Variants in PEX10 observed in about 807,000 individuals in gnomAD.
PEX10 encodes the protein peroxisomal biogenesis factor 10, also known as peroxisome biogenesis factor 10.
Under a neutral mutation model 38.0 loss-of-function variants are expected in PEX10, and 32 were observed. That is an observed-to-expected ratio of 0.84 (90% CI 0.63 to 1.13). The LOEUF (loss-of-function observed/expected upper bound fraction) is 1.13, where lower values mean the gene tolerates loss of function less well. Among genes scored for constraint, PEX10 ranks in the 50% most tolerant of loss-of-function variants. The pLI, the probability that PEX10 is intolerant of heterozygous loss-of-function variation, is 0.00. For missense variants in PEX10, 483 were observed against 457.7 expected (o/e 1.06, Z -0.51); for synonymous variants, 206 against 207.3 (o/e 0.99, Z 0.05).
At position 2,405,630 on chromosome 1, in the gene PEX10, G is replaced by A; in HGVS notation, c.*136C>T. The A allele has an allele frequency of 1.2e-6, 1 of 818,556 alleles. No homozygotes were observed. Among genetic ancestry groups the A allele is most frequent in the Non-Finnish European group, 2.0e-6 (1 of 490,488 alleles). The allele number at this position is 818,556 out of a possible 1,614,324, so 50.7% of individuals were successfully genotyped here. ...CAGCTTTCTGTTCTCTCCCAGGGTG[G>A]CTAGGTTAGTATCTTACATGACAAA... On this transcript the variant is annotated 3_prime_UTR_variant, in exon 6 of 6. Coordinates refer to ENST00000447513, the MANE Select transcript of PEX10 (RefSeq NM_002617.4).
chr1:2,406,772 G>A lies in PEX10; in HGVS notation c.724C>T (p.Arg242Trp), dbSNP rs745818681. The A allele has an allele frequency of 8.1e-6, 13 of 1,609,900 alleles. No individual in the cohort carries two copies. The Admixed American group carries it at 1.5e-4, about 19-fold the overall frequency. Residue 242 changes from arginine to tryptophan, a missense_variant, in exon 4 of 6, where the codon CGG becomes TGG. Arg to Trp is a moderately radical substitution (Grantham distance 101). Coordinates refer to ENST00000447513, the MANE Select transcript of PEX10 (RefSeq NM_002617.4). Reference protein sequence around the residue: ...MGLQLYGFRQRQRARKEWRLH... With the variant: ...MGLQLYGFRQWQRARKEWRLH... Reference sequence around the variant, plus strand: ...CTCCACTCCTTCCTGGCTCGCTGCCGCTGCCTGAAACCGTACAGCTGCAGC... The same window carrying A: ...CTCCACTCCTTCCTGGCTCGCTGCCACTGCCTGAAACCGTACAGCTGCAGC...
At position 2,410,974 on chromosome 1, in the gene PEX10, C is replaced by T. The variant is rs962241291; in HGVS notation, c.113-523G>A. On this transcript the variant is annotated intron_variant, in intron 1 of 5. Coordinates refer to ENST00000447513, the MANE Select transcript of PEX10 (RefSeq NM_002617.4). This position sits in a 1 kb window ranked among gnomAD's most constrained non-coding sequence, Gnocchi z 5.1. ...ACTGTAAAACAAGTAAGTACACACA[C>T]AAAAAATTCTCATCATGTCACTCTC... 5 of 421,514 alleles carry T rather than the reference C, an allele frequency of 1.2e-5. No homozygotes were observed. Among genetic ancestry groups the T allele is most frequent in the African/African-American group, 2.0e-5 (1 of 48,882 alleles). The allele number at this position is 421,514 out of a possible 1,614,324, so 26.1% of individuals were successfully genotyped here.
Position 2,412,494 on chromosome 1 carries a change from CG to C in PEX10, c.8del (p.Pro3ArgfsTer9), listed in dbSNP as rs1257198952. On this transcript the variant is annotated frameshift_variant, in exon 1 of 6. Coordinates refer to ENST00000447513, the MANE Select transcript of PEX10 (RefSeq NM_002617.4). LOFTEE classifies it high-confidence loss of function. The part of the protein sequence containing the change: MA[P>X]AAASPPEVIR... ...TCACCTCCGGGGGGCTGGCGGCGGC[CG>C]GGGCCATGGCCGCGGGTTCGGGTGG... 7 of 1,370,122 alleles carry C rather than the reference CG, an allele frequency of 5.1e-6. No individual in the cohort carries two copies. Among genetic ancestry groups the C allele is most frequent in the Middle Eastern group, 2.7e-4 (1 of 3,748 alleles). 84.9% of individuals were successfully genotyped at this position (1,370,122 alleles called of 1,614,324 possible).
chr1:2,408,745 G>C lies in PEX10; in HGVS notation c.307C>G (p.Pro103Ala), dbSNP rs1299562078. ...GVLVTLHAVL[P>A]YLLDKALLPL... The stretch of plus-strand genomic sequence containing the variant: ...AGCAGGGCCTTGTCCAGCAGGTAGG[G>C]CAGGACGGCATGCAGTGTCACCAGC... The change falls in exon 3 of 6, where the codon CCC becomes GCC. Residue 103 changes from proline (P) to alanine (A), a missense_variant. Coordinates refer to ENST00000447513, the MANE Select transcript of PEX10 (RefSeq NM_002617.4). 1.2e-6 allele frequency: 2 copies of C among 1,613,774 alleles called. No homozygotes were observed. The highest frequency in any genetic ancestry group is 1.7e-6 in the Non-Finnish European group (2 of 1,179,922).
upstream of PEX10, among the ~76,000 whole-genome samples, chr1:2,413,433 G>A (rs1356215053): frequency 1.3e-5 from 2 of 152,262 alleles, no homozygotes; most frequent in Non-Finnish European, 2.9e-5. Context: ...ACCTGGAGGG[G>A]ACAGAACCTT....
intron 1 of PEX10, among the ~76,000 whole-genome samples, chr1:2,411,019 G>T (rs1041375819): frequency 6.6e-6 from 1 of 152,146 alleles, no homozygotes; most frequent in Non-Finnish European, 1.5e-5. Flanking sequence ...ATCCACCAAT[G>T]GCTGCCCACC....
At chr1:2,405,909 C>G in intron 5 of PEX10, 75 bp from the exon 6 acceptor site, 1 of 1,142,406 alleles carries the variant, frequency 8.8e-7, no homozygotes, top group Middle Eastern at 2.4e-4. Context: ...ATTTCTTTTC[C>G]TGTCCACATT....
chr1:2,408,522 AGCC>A lies in PEX10; in HGVS notation c.527_529del (p.Arg176del). On this transcript the variant is annotated inframe_deletion, in exon 3 of 6. Transcript: ENST00000447513. ...GTGGATGTAAAACCAGGCAACATGT[AGCC>A]GCTGGAGGCAGGCGAGGCCCTGTCT... The A allele has an allele frequency of 1.2e-6, 2 of 1,612,898 alleles. No homozygotes were observed. Among genetic ancestry groups the A allele is most frequent in the Non-Finnish European group, 1.7e-6 (2 of 1,179,992 alleles).
chr1:2,412,656 C>CGG, upstream of PEX10: 1 of 529,440 alleles, frequency 1.9e-6, no homozygotes, highest in African/African-American at 2.0e-5. Flanking sequence ...GAGGCGGGGC[C>CGG]AGGGCCCGGG....
Position 2,410,247 on chromosome 1 carries a change from T to TG in PEX10, c.193+123dup. 2 of 843,116 alleles carry TG rather than the reference T, an allele frequency of 2.4e-6. No individual in the cohort carries two copies. Among genetic ancestry groups the TG allele is most frequent in the Admixed American group, 2.0e-5 (1 of 50,986 alleles). The allele number at this position is 843,116 out of a possible 1,614,324, so 52.2% of individuals were successfully genotyped here. A position where few individuals can be genotyped will look rare whatever the true frequency, so the allele number is the denominator to read the frequency against. ...CGGAGCAGTACCTCCTGCACTTCCCTGAAGCAACCTCACCCGGGCCAGCTC... is the reference window on the plus strand; with the variant it reads ...CGGAGCAGTACCTCCTGCACTTCCCTGGAAGCAACCTCACCCGGGCCAGCTC... On this transcript the variant is annotated intron_variant, in intron 2 of 5. Transcript: ENST00000447513. This position sits in a 1 kb window ranked among gnomAD's most constrained non-coding sequence, Gnocchi z 5.1.
upstream of PEX10, chr1:2,413,659 G>C (rs997031926): frequency 3.3e-5 from 5 of 152,388 alleles, no homozygotes; most frequent in Admixed American, 2.0e-4. Flanking sequence ...GGCAGCACTT[G>C]GCCCTGGAGA....
chr1:2,407,703 C>G (rs75124172), intron 3 of PEX10, among the ~76,000 whole-genome samples: 1 of 152,188 alleles, frequency 6.6e-6, no homozygotes, highest in Non-Finnish European at 1.5e-5. Flanking sequence ...TCACGGTGGC[C>G]TCCTGTTTAG....
At chr1:2,407,468 G>C (rs1482080045) in intron 3 of PEX10, among the ~76,000 whole-genome samples, 5 of 152,216 alleles carry the variant, frequency 3.3e-5, no homozygotes, top group African/African-American at 1.2e-4. Flanking sequence ...ACATACAGAG[G>C]TGGCAGGTCA....
At position 2,410,324 on chromosome 1, in the gene PEX10, G is replaced by T; in HGVS notation, c.193+47C>A. The T allele has an allele frequency of 6.6e-7, 1 of 1,510,552 alleles. No homozygotes were observed. Among genetic ancestry groups the T allele is most frequent in the Non-Finnish European group, 9.2e-7 (1 of 1,086,012 alleles). The allele number at this position is 1,510,552 out of a possible 1,614,324, so 93.6% of individuals were successfully genotyped here. Reference sequence around the variant, plus strand: ...CCCCCTGGCCACCGTCCCCAGACTTGGTGTGTGTGGCTGCCCTCAGTCCTG... The same window carrying T: ...CCCCCTGGCCACCGTCCCCAGACTTTGTGTGTGTGGCTGCCCTCAGTCCTG... On this transcript the variant is annotated intron_variant, in intron 2 of 5. Transcript: ENST00000447513. This position sits in a 1 kb window ranked among gnomAD's most constrained non-coding sequence, Gnocchi z 5.1.
chr1:2,410,839 T>C lies in PEX10; in HGVS notation c.113-388A>G. ...CTGTGAGGTCTTTCTGGAATCTCAA[T>C]TTGCTCATCTATCAGAAGAGTAATA... On this transcript the variant is annotated intron_variant, in intron 1 of 5. Transcript: ENST00000447513. This position sits in a 1 kb window ranked among gnomAD's most constrained non-coding sequence, Gnocchi z 5.1. The C allele has an allele frequency of 2.2e-6, 1 of 462,098 alleles. No individual in the cohort carries two copies. The highest frequency in any genetic ancestry group is 1.5e-5 in the South Asian group (1 of 64,610). 28.6% of individuals were successfully genotyped at this position (462,098 alleles called of 1,614,324 possible).
In PEX10 at chr1:2,406,550, G is replaced by T; in HGVS notation, c.846C>A (p.His282Gln). ...GGTGGCCGCAGGGCGTGGCTGTTGGGTGCCTGCGCTCCTCCAGGCACAGGG... is the reference window on the plus strand; with the variant it reads ...GGTGGCCGCAGGGCGTGGCTGTTGGTTGCCTGCGCTCCTCCAGGCACAGGG... ...LCTLCLEERR[H>Q]PTATPCGHLF... The change falls in exon 5 of 6, where the codon CAC becomes CAA. Residue 282 changes from histidine to glutamine, a missense_variant. Coordinates refer to ENST00000447513, the MANE Select transcript of PEX10 (RefSeq NM_002617.4). 1 of 1,613,346 alleles carries T rather than the reference G, an allele frequency of 6.2e-7. No individual in the cohort carries two copies. The highest frequency in any genetic ancestry group is 1.1e-5 in the South Asian group (1 of 91,088).
rs563364677 is a variant in PEX10 at position 2,409,899 on chromosome 1, G to A, written c.193+472C>T. 1.7e-5 allele frequency: 3 copies of A among 178,146 alleles called. No homozygotes were observed. Among genetic ancestry groups the A allele is most frequent in the Admixed American group, 5.6e-5 (1 of 17,718 alleles). 11.0% of individuals were successfully genotyped at this position (178,146 alleles called of 1,614,324 possible). On this transcript the variant is annotated intron_variant, in intron 2 of 5. Transcript: ENST00000447513. The surrounding 1 kb of genome is among the most constrained non-coding windows in gnomAD (Gnocchi z 6.2). The stretch of plus-strand genomic sequence containing the variant: ...GCAGGATGCCCGGGGCGAGCCCCTC[G>A]TAGGGAACCAGGCTGGCACTCGGTG...
At position 2,405,314 on chromosome 1, in the gene PEX10, A is replaced by G; in HGVS notation, c.*452T>C. 3.0e-6 allele frequency: 1 copy of G among 328,870 alleles called. No individual in the cohort carries two copies. The allele number at this position is 328,870 out of a possible 1,614,324, so 20.4% of individuals were successfully genotyped here. ...CTGCTGTTCTCACTGCACTGGCTGA[A>G]GCAACCCGCCAGCCTCCGTGCCCCA... On this transcript the variant is annotated 3_prime_UTR_variant, in exon 6 of 6. Coordinates refer to ENST00000447513, the MANE Select transcript of PEX10 (RefSeq NM_002617.4).
chr1:2,409,152 C>A lies in PEX10; in HGVS notation c.194-294G>T, dbSNP rs562327614. On this transcript the variant is annotated intron_variant, in intron 2 of 5. Transcript: ENST00000447513. The surrounding 1 kb of genome is among the most constrained non-coding windows in gnomAD (Gnocchi z 6.2). ...TTCTCCCCAAGAGTCTCTGCTCTTT[C>A]CCCTTTCTCCCTAGCTGTCCCCGCC... Among the ~76,000 whole-genome samples the A allele has an allele frequency of 6.6e-6, 1 of 152,188 alleles. No homozygotes were observed. The highest frequency in any genetic ancestry group is 1.5e-5 in the Non-Finnish European group (1 of 67,982).
Sources: gnomAD v4.1 joint callset for allele counts (sites outside exome capture counted in the v4.1 genomes callset) on GRCh38, gnomAD v4.1.1 for gene constraint, Gnocchi (gnomAD v3.1) non-coding constraint, MANE v1.5 for transcripts, NCBI Gene and HGNC (gene_info 2026-07-23, HGNC 2026-07-21) for gene names.